The following IFT80 variants were observed in gnomAD, a reference collection of about 807,000 sequenced individuals.
IFT80 encodes the protein intraflagellar transport protein 80 homolog.
Under a neutral mutation model 107.9 loss-of-function variants are expected in IFT80, and 79 were observed. The ratio of observed to expected loss-of-function variants is 0.73; its 90% CI spans 0.61 to 0.88. The LOEUF is 0.88. Ranked by LOEUF, IFT80 falls within the 40% of genes least tolerant of loss-of-function variation. The pLI is 0.00. For missense variants in IFT80, 797 were observed against 914.2 expected, an observed-to-expected ratio of 0.87 and a Z score of 1.65; for synonymous variants, 299 against 300.9, an observed-to-expected ratio of 0.99 and a Z score of 0.07.
At chr3:160,324,273 A>G (rs1335099810) in intron 8 of IFT80, among the ~76,000 whole-genome samples, 1 of 152,224 alleles carries the variant, frequency 6.6e-6, no homozygotes, top group Non-Finnish European at 1.5e-5. Context: ...TTCCTAACTC[A>G]TTTTATGAGG....
chr3:160,330,798 T>C (rs547088218), intron 8 of IFT80, among the ~76,000 whole-genome samples: 2 of 152,268 alleles, frequency 1.3e-5, no homozygotes, highest in Admixed American at 1.3e-4. Context: ...TCTCATCTCC[T>C]CTGTACCACC....
At chr3:160,274,637 C>T (rs906998259) in intron 18 of IFT80, 4 of 152,094 alleles carry the variant, frequency 2.6e-5, no homozygotes, top group African/African-American at 9.7e-5. Context: ...AATAGTAATC[C>T]AGTAAAAACA....
At chr3:160,315,919 G>C (rs1449500435) in intron 9 of IFT80, among the ~76,000 whole-genome samples, 1 of 152,150 alleles carries the variant, frequency 6.6e-6, no homozygotes, top group Non-Finnish European at 1.5e-5. Flanking sequence ...ATATGTATAA[G>C]AGTAGGTTGA....
rs560699497 is a variant in IFT80 at position 160,348,271 on chromosome 3, A to G, written c.777+7742T>C. Among the ~76,000 whole-genome samples the G allele has an allele frequency of 1.2e-4, 18 of 152,192 alleles. No homozygotes were observed. In the South Asian group the frequency reaches 3.5e-3, roughly 30 times the overall value. ...ATGAAATTCAAACGGTAGCTTTCCC[A>G]CTCTACTCTGCCTTGAGAACCACTG... On this transcript the variant is annotated intron_variant, in intron 8 of 19. Coordinates refer to ENST00000326448, the MANE Select transcript of IFT80 (RefSeq NM_020800.3).
At chr3:160,326,842 A>G (rs1718710078) in intron 8 of IFT80, among the ~76,000 whole-genome samples, 1 of 152,124 alleles carries the variant, frequency 6.6e-6, no homozygotes, top group Non-Finnish European at 1.5e-5. Flanking sequence ...AGGAAAAAAA[A>G]ATAAGGGTAC....
At chr3:160,314,945 G>C (rs534845798) in intron 9 of IFT80, among the ~76,000 whole-genome samples, 4 of 151,758 alleles carry the variant, frequency 2.6e-5, no homozygotes, top group Admixed American at 2.6e-4. Context: ...CAGGAAAAAG[G>C]AACACAAAAT....
chr3:160,362,422 C>A (rs1184860002), intron 6 of IFT80, among the ~76,000 whole-genome samples: 2 of 152,116 alleles, frequency 1.3e-5, no homozygotes, highest in African/African-American at 2.4e-5. Flanking sequence ...AGATTCACAG[C>A]CGAATTCTAC....
In IFT80 at chr3:160,300,889, C is replaced by T. The variant is rs780986098; in HGVS notation, c.1309G>A (p.Glu437Lys). The T allele has an allele frequency of 1.9e-6, 3 of 1,598,956 alleles. No individual in the cohort carries two copies. The highest frequency in any genetic ancestry group is 2.3e-5 in the South Asian group (2 of 87,604). Residue 437 changes from glutamate to lysine, a missense_variant, in exon 12 of 20, where the codon GAA (glutamate) becomes AAA (lysine). Coordinates refer to ENST00000326448, the MANE Select transcript of IFT80 (RefSeq NM_020800.3). ...ATTATAAAAATATACTTACTTTTTT[C>T]ATCAGCTTTGTCTCTTATTGCTATG... Reference protein sequence around the residue: ...DTIAIRDKADEKIIFLFEAST... With the variant: ...DTIAIRDKADKKIIFLFEAST...
At chr3:160,340,915 G>T (rs574226213) in intron 8 of IFT80, among the ~76,000 whole-genome samples, 1 of 152,256 alleles carries the variant, frequency 6.6e-6, no homozygotes, top group South Asian at 2.1e-4. Context: ...GCATTAGGAA[G>T]AATATAGCAG....
chr3:160,270,723 C>A (rs1271274736), intron 18 of IFT80, among the ~76,000 whole-genome samples: 1 of 152,194 alleles, frequency 6.6e-6, no homozygotes, highest in Non-Finnish European at 1.5e-5. Context: ...GTTCTGCTAA[C>A]CCTCTCCCAT....
chr3:160,380,163 G>C (rs2108401652), intron 3 of IFT80, among the ~76,000 whole-genome samples: 1 of 151,620 alleles, frequency 6.6e-6, no homozygotes, highest in South Asian at 2.1e-4. Flanking sequence ...CTCCCAAGTA[G>C]CTGGGACTAT....
chr3:160,388,799 G>A (rs190369665), intron 1 of IFT80, among the ~76,000 whole-genome samples: 2 of 152,192 alleles, frequency 1.3e-5, no homozygotes, highest in African/African-American at 4.8e-5. Flanking sequence ...ATGTAGAAGA[G>A]GGAAGCAGAA....
chr3:160,372,306 AC>A (rs1184037118), intron 5 of IFT80, among the ~76,000 whole-genome samples: 6 of 152,102 alleles, frequency 3.9e-5, no homozygotes, highest in Non-Finnish European at 8.8e-5. Flanking sequence ...GTAGTCTTGC[AC>A]CCCCAGCTGC....
intron 16 of IFT80, 72 bp from the exon 17 acceptor site, chr3:160,277,742 T>C (rs2108226688): frequency 1.1e-6 from 1 of 906,142 alleles, no homozygotes; most frequent in Non-Finnish European, 1.8e-6. Flanking sequence ...GTGATTTAAA[T>C]ACTCATACTA....
intron 12 of IFT80, among the ~76,000 whole-genome samples, chr3:160,290,431 A>G (rs1183426341): frequency 2.6e-5 from 4 of 151,816 alleles, no homozygotes; most frequent in Non-Finnish European, 5.9e-5. Flanking sequence ...AAAAGAAAAA[A>G]AAAAAAGAAA....
chr3:160,342,065 T>C (rs1405415502), intron 8 of IFT80, among the ~76,000 whole-genome samples: 1 of 152,150 alleles, frequency 6.6e-6, no homozygotes, highest in Non-Finnish European at 1.5e-5. Flanking sequence ...TAACTTTATA[T>C]TTAAAAACAA....
chr3:160,333,036 A>G (rs2095529), intron 8 of IFT80, among the ~76,000 whole-genome samples: 32,141 of 152,176 alleles, frequency 0.21, 3,731 homozygotes, highest in Non-Finnish European at 0.26. Context: ...TATATGGTAT[A>G]GCCTATTGCT....
At chr3:160,315,115 G>GA (rs1319477794) in intron 9 of IFT80, among the ~76,000 whole-genome samples, 1 of 150,862 alleles carries the variant, frequency 6.6e-6, no homozygotes, top group African/African-American at 2.4e-5. Flanking sequence ...AAGAAAGAAA[G>GA]AGGAGGGAGG....
chr3:160,366,559 G>A (rs1403056462), intron 5 of IFT80, among the ~76,000 whole-genome samples: 2 of 151,988 alleles, frequency 1.3e-5, no homozygotes, highest in African/African-American at 4.8e-5. Context: ...TTTATTGGCA[G>A]CAAATGTTTT....
Sources: gnomAD v4.1 joint callset for allele counts (sites outside exome capture counted in the v4.1 genomes callset) on GRCh38, gnomAD v4.1.1 for gene constraint, MANE v1.5 for transcripts, NCBI Gene and HGNC (gene_info 2026-07-23, HGNC 2026-07-21) for gene names.